PLXNA4: variants seen among roughly 807,000 people sequenced by gnomAD.
The protein encoded by PLXNA4 is plexin A4.
In PLXNA4, 44 loss-of-function variants were observed where a neutral mutation model predicts 191.8. That is an observed-to-expected ratio of 0.23 (90% confidence interval 0.18 to 0.29). PLXNA4 has a LOEUF of 0.29. Ranked by LOEUF, PLXNA4 falls within the 10% of genes least tolerant of loss-of-function variation. The pLI is 1.00. For synonymous variants in PLXNA4, 1,082 were observed against 1,009.5 expected, an observed-to-expected ratio of 1.07 and a Z score of -1.36; for missense variants, 1,800 against 2,488.8, an observed-to-expected ratio of 0.72 and a Z score of 5.89.
intron 25 of PLXNA4, among the ~76,000 whole-genome samples, chr7:132,156,273 AG>A (rs1306834655): frequency 6.6e-6 from 1 of 151,992 alleles, no homozygotes; most frequent in East Asian, 1.9e-4. Context: ...TGCCTGCACA[AG>A]TCTGGCGAGG....
At chr7:132,495,029 A>G (rs1231742839) in intron 2 of PLXNA4, among the ~76,000 whole-genome samples, 1 of 152,072 alleles carries the variant, frequency 6.6e-6, no homozygotes, top group Non-Finnish European at 1.5e-5. Context: ...CCTCAATGAC[A>G]CACTCTTAAG....
At chr7:132,383,634 A>G in intron 3 of PLXNA4, 1 of 982,950 alleles carries the variant, frequency 1.0e-6, no homozygotes, top group Non-Finnish European at 1.2e-6. Context: ...GACTACATAA[A>G]TATACCAAAT....
intron 3 of PLXNA4, among the ~76,000 whole-genome samples, chr7:132,391,614 A>T (rs1247724925): frequency 6.6e-6 from 1 of 151,826 alleles, no homozygotes; most frequent in Non-Finnish European, 1.5e-5. Flanking sequence ...GATGCAGCCA[A>T]CCCCAGGCTA....
At position 132,212,296 on chromosome 7, in the gene PLXNA4, G is replaced by A. The variant is rs73723741; in HGVS notation, c.2098-1153C>T. ...TAACACTTGTCCTCAGCAGAGTAAG[G>A]CAGAAAGGAAGCCACTGGGAAATGG... On this transcript the variant is annotated intron_variant, in intron 9 of 31. Transcript: ENST00000321063. Among the ~76,000 whole-genome samples the A allele has an allele frequency of 9.4e-3, 1,437 of 152,294 alleles. 30 individuals carry two copies. The highest frequency in any genetic ancestry group is 0.033 in the African/African-American group (1,356 of 41,560).
At chr7:132,409,965 T>G (rs1276901786) in intron 3 of PLXNA4, among the ~76,000 whole-genome samples, 1 of 152,188 alleles carries the variant, frequency 6.6e-6, no homozygotes, top group Non-Finnish European at 1.5e-5. Flanking sequence ...CCCTTGAAGT[T>G]TAAATATTTT....
At chr7:132,173,555 C>T (rs1475914756) in intron 21 of PLXNA4, among the ~76,000 whole-genome samples, 1 of 152,174 alleles carries the variant, frequency 6.6e-6, no homozygotes, top group Non-Finnish European at 1.5e-5. Context: ...GAAACACACA[C>T]AAGCCTATGC....
intron 3 of PLXNA4, among the ~76,000 whole-genome samples, chr7:132,321,222 G>T (rs926357758): frequency 6.6e-6 from 1 of 152,156 alleles, no homozygotes; most frequent in Non-Finnish European, 1.5e-5. Context: ...CTTGGCAGGG[G>T]TTGGTTAAGT....
At chr7:132,279,698 G>C (rs1800407318) in intron 4 of PLXNA4, among the ~76,000 whole-genome samples, 1 of 152,142 alleles carries the variant, frequency 6.6e-6, no homozygotes, top group African/African-American at 2.4e-5. Context: ...TCAAGAACTT[G>C]AATCCAGTTA....
At chr7:132,468,103 T>C (rs1462613596) in intron 3 of PLXNA4, among the ~76,000 whole-genome samples, 1 of 152,156 alleles carries the variant, frequency 6.6e-6, no homozygotes, top group Non-Finnish European at 1.5e-5. Flanking sequence ...CTTAGCTCTC[T>C]GGAATAAGAG....
At chr7:132,165,355 G>A (rs1453876753) in intron 22 of PLXNA4, among the ~76,000 whole-genome samples, 155 bp from the exon 23 acceptor site, 1 of 152,156 alleles carries the variant, frequency 6.6e-6, no homozygotes, top group African/African-American at 2.4e-5. Context: ...GAATATGAGA[G>A]TTTCATGGAC....
chr7:132,473,085 A>G (rs1362936274), intron 3 of PLXNA4, among the ~76,000 whole-genome samples: 1 of 152,262 alleles, frequency 6.6e-6, no homozygotes, highest in Non-Finnish European at 1.5e-5. Flanking sequence ...GTGGGGGCAC[A>G]TTCCCTCTTA....
intron 4 of PLXNA4, among the ~76,000 whole-genome samples, chr7:132,287,549 C>T (rs570329494): frequency 2.0e-5 from 3 of 152,202 alleles, no homozygotes; most frequent in South Asian, 2.1e-4. Context: ...AAGCCAAGTC[C>T]GTGATCTGTT....
At chr7:132,573,978 C>T (rs1334479966) in intron 1 of PLXNA4, among the ~76,000 whole-genome samples, 4 of 152,108 alleles carry the variant, frequency 2.6e-5, no homozygotes, top group East Asian at 1.9e-4. Context: ...TGAATGACAG[C>T]GTGGCATGCT....
chr7:132,196,516 A>C (rs1170216886), intron 13 of PLXNA4, among the ~76,000 whole-genome samples: 1 of 152,250 alleles, frequency 6.6e-6, no homozygotes, highest in Non-Finnish European at 1.5e-5. Context: ...AATTTATTGA[A>C]CTGAGGAATT....
intron 3 of PLXNA4, among the ~76,000 whole-genome samples, chr7:132,452,264 T>C (rs991623202): frequency 6.6e-6 from 1 of 152,206 alleles, no homozygotes; most frequent in African/African-American, 2.4e-5. Context: ...AGAGAAATCG[T>C]TCCAGCATGG....
At chr7:132,306,081 T>C (rs530580185) in intron 3 of PLXNA4, among the ~76,000 whole-genome samples, 1 of 152,086 alleles carries the variant, frequency 6.6e-6, no homozygotes, top group South Asian at 2.1e-4. Flanking sequence ...CAGAGGCACG[T>C]GGCAAACCAG....
rs1291776385 is a variant in PLXNA4, at chr7:132,248,975, GCAGA to G, written c.1504-7813_1504-7810del. ...TAATCCAGCTGGGCCTCACTTGACG[GCAGA>G]CAGAGGCACAGGGTCAAGGGCAGCA... is the stretch of plus-strand genomic sequence containing the variant. On this transcript the variant is annotated intron_variant, in intron 4 of 31. Transcript: ENST00000321063. 4.6e-5 allele frequency among the ~76,000 whole-genome samples: 7 copies of G among 152,312 alleles called. No individual in the cohort carries two copies. In the East Asian group the frequency reaches 1.4e-3, roughly 29 times the overall value.
At chr7:132,433,583 G>T (rs1414323358) in intron 3 of PLXNA4, among the ~76,000 whole-genome samples, 2 of 152,194 alleles carry the variant, frequency 1.3e-5, no homozygotes, top group Non-Finnish European at 2.9e-5. Context: ...GCTGGCTTGT[G>T]CATGAAGCTT....
chr7:132,568,002 G>A (rs954766610), intron 1 of PLXNA4, among the ~76,000 whole-genome samples: 1 of 152,162 alleles, frequency 6.6e-6, no homozygotes, highest in Non-Finnish European at 1.5e-5. Flanking sequence ...GGACAAGAGA[G>A]CAGGGAAAGA....
Sources: gnomAD v4.1 joint callset for allele counts (sites outside exome capture counted in the v4.1 genomes callset) on GRCh38, gnomAD v4.1.1 for gene constraint, MANE v1.5 for transcripts, NCBI Gene and HGNC (gene_info 2026-07-23, HGNC 2026-07-21) for gene names.